CMC2: variants seen among roughly 807,000 people sequenced by gnomAD.
CMC2 encodes the protein C-X9-C motif containing 2.
In CMC2, 5 loss-of-function variants were observed where a neutral mutation model predicts 7.5. That is an observed-to-expected ratio of 0.66 (90% CI 0.35 to 1.40). The LOEUF is 1.40. Among genes scored for constraint, CMC2 ranks in the 40% most tolerant of loss-of-function variants. CMC2 has a pLI of 0.04. For synonymous variants in CMC2, 37 were observed against 31.4 expected (o/e 1.18, Z -0.60); for missense variants, 115 against 92.3 (o/e 1.25, Z -1.01).
chr16:80,988,462 GAA>G (rs957581867), intron 2 of CMC2: 2 of 659,172 alleles, frequency 3.0e-6, no homozygotes, highest in Admixed American at 2.5e-5. Context: ...CAAACTTGAA[GAA>G]AAGTTCCAAG....
chr16:80,971,599 C>CATATATATAT lies in CMC2; in HGVS notation c.*4484_*4493dup, dbSNP rs947816734. The CATATATATAT allele has an allele frequency of 6.2e-5, 7 of 113,256 alleles. No homozygotes were observed. The highest frequency in any genetic ancestry group is 1.8e-4 in the African/African-American group (4 of 21,880). The allele number at this position is 113,256 out of a possible 1,614,324, so 7.0% of individuals were successfully genotyped here. On this transcript the variant is annotated 3_prime_UTR_variant, in exon 4 of 4. Coordinates refer to ENST00000219400, the MANE Select transcript of CMC2 (RefSeq NM_020188.5). ...ATATATATATATGTATGAAATCATG[C>CATATATATAT]ATATATATATATGTATGAAATCATG...
At chr16:80,997,291 C>G (rs775677197) in intron 2 of CMC2, 23 bp downstream of exon 2, 70 of 1,226,388 alleles carry the variant, frequency 5.7e-5, no homozygotes, top group Non-Finnish European at 7.9e-5. Context: ...TTTGGCTGTA[C>G]AGTCGTTTTT....
At position 80,981,921 on chromosome 16, in the gene CMC2, C is replaced by T. The variant is rs1179811350; in HGVS notation, c.82-44G>A. On this transcript the variant is annotated intron_variant, in intron 2 of 3. Coordinates refer to ENST00000219400, the MANE Select transcript of CMC2 (RefSeq NM_020188.5). ...GTAAAATATTTCATCCCATAATATG[C>T]CAAGGTTTGGGGCACATAAAATTTA... is the stretch of plus-strand genomic sequence containing the variant. 6 of 1,302,574 alleles carry T rather than the reference C, an allele frequency of 4.6e-6. No homozygotes were observed. The Admixed American group carries it at 5.3e-5, about 12-fold the overall frequency. The allele number at this position is 1,302,574 out of a possible 1,614,324, so 80.7% of individuals were successfully genotyped here.
intron 1 of CMC2, among the ~76,000 whole-genome samples, chr16:81,000,877 A>G (rs1968815059): frequency 6.6e-6 from 1 of 152,264 alleles, no homozygotes. Flanking sequence ...CCGTTTTACA[A>G]AAAGAAAAAC....
chr16:80,997,327 T>TC lies in CMC2; in HGVS notation c.67dup (p.Glu23GlyfsTer16). 6.3e-7 allele frequency: 1 copy of TC among 1,590,570 alleles called. No individual in the cohort carries two copies. Among genetic ancestry groups the TC allele is most frequent in the Non-Finnish European group, 8.6e-7 (1 of 1,158,736 alleles). On this transcript the variant is annotated frameshift_variant, in exon 2 of 4. Transcript: ENST00000219400. LOFTEE classifies it high-confidence loss of function. ...CTGAACTCTTACATTTTTGTGACAT[T>TC]CCTTAAGCAAGTTAATCAAGACGTT... is the stretch of plus-strand genomic sequence containing the variant.
rs1055806899 is a variant in CMC2, at chr16:80,968,739, G to A, written c.*7354C>T. 6.6e-6 allele frequency: 1 copy of A among 152,154 alleles called. No homozygotes were observed. The highest frequency in any genetic ancestry group is 2.4e-5 in the African/African-American group (1 of 41,426). 9.4% of individuals were successfully genotyped at this position (152,154 alleles called of 1,614,324 possible). On this transcript the variant is annotated 3_prime_UTR_variant, in exon 4 of 4. Coordinates refer to ENST00000219400, the MANE Select transcript of CMC2 (RefSeq NM_020188.5). ...ATATAGTTTTTAAAGGTGTAGTTGA[G>A]CTCACAAGAAAGGAAAGAAAATCCT...
In CMC2 at chr16:80,969,038, G is replaced by T. The variant is rs1321194722; in HGVS notation, c.*7055C>A. On this transcript the variant is annotated 3_prime_UTR_variant, in exon 4 of 4. Coordinates refer to ENST00000219400, the MANE Select transcript of CMC2 (RefSeq NM_020188.5). ...GTAAGGCCAGTGTGACTCACCTTGGGCTCTGAGCAGAAAAAATATGTTTCC... is the reference window on the plus strand; with the variant it reads ...GTAAGGCCAGTGTGACTCACCTTGGTCTCTGAGCAGAAAAAATATGTTTCC... 1 of 152,198 alleles carries T rather than the reference G, an allele frequency of 6.6e-6. No individual in the cohort carries two copies. The highest frequency in any genetic ancestry group is 1.5e-5 in the Non-Finnish European group (1 of 68,036). 9.4% of individuals were successfully genotyped at this position (152,198 alleles called of 1,614,324 possible).
intron 2 of CMC2, among the ~76,000 whole-genome samples, chr16:80,986,659 TC>T (rs1478250865): frequency 6.6e-6 from 1 of 152,174 alleles, no homozygotes; most frequent in Non-Finnish European, 1.5e-5. Flanking sequence ...CAAGAGAGAT[TC>T]GGCAGAGAAC....
intron 2 of CMC2, among the ~76,000 whole-genome samples, chr16:80,996,080 TAAACATA>T (rs1271095808): frequency 6.6e-6 from 1 of 151,768 alleles, no homozygotes; most frequent in East Asian, 1.9e-4. Context: ...TATACAAATA[TAAACATA>T]AAACAAAGAT....
intron 3 of CMC2, among the ~76,000 whole-genome samples, chr16:80,977,678 T>A (rs564547875): frequency 6.6e-6 from 1 of 152,334 alleles, no homozygotes; most frequent in South Asian, 2.1e-4. Flanking sequence ...GTGGGCTAGA[T>A]AATCTTTAAG....
chr16:80,984,853 C>G (rs1343554619), intron 2 of CMC2, among the ~76,000 whole-genome samples: 2 of 152,182 alleles, frequency 1.3e-5, no homozygotes. Flanking sequence ...GAGAATTATA[C>G]TCTTGTGATG....
chr16:80,967,012 G>A lies in CMC2; in HGVS notation c.*9081C>T, dbSNP rs997288185. The A allele has an allele frequency of 5.9e-5, 9 of 152,076 alleles. No individual in the cohort carries two copies. Among genetic ancestry groups the A allele is most frequent in the African/African-American group, 2.2e-4 (9 of 41,414 alleles). The allele number at this position is 152,076 out of a possible 1,614,324, so 9.4% of individuals were successfully genotyped here. A position where few individuals can be genotyped will look rare whatever the true frequency, so the allele number is the denominator to read the frequency against. On this transcript the variant is annotated 3_prime_UTR_variant, in exon 4 of 4. Transcript: ENST00000219400. ...GAAAATGTAAATTTTAAAGTCCTTT[G>A]GGCTACTTCAACACTTTATTTATTC...
intron 3 of CMC2, chr16:80,980,771 T>C (rs1355250024): frequency 2.9e-6 from 2 of 692,632 alleles, no homozygotes; most frequent in Non-Finnish European, 5.2e-6. Flanking sequence ...GGTACGCACC[T>C]GTCGTCCTAG....
chr16:80,999,504 T>G (rs11866375), intron 1 of CMC2, among the ~76,000 whole-genome samples: 54,114 of 152,052 alleles, frequency 0.36, 10,746 homozygotes, highest in African/African-American at 0.54. Flanking sequence ...GCAATCTACA[T>G]ATTCAACACT....
intron 2 of CMC2, among the ~76,000 whole-genome samples, chr16:80,993,409 C>G (rs1164013448): frequency 2.6e-5 from 4 of 152,158 alleles, no homozygotes; most frequent in Non-Finnish European, 4.4e-5. Context: ...TTCGGGCAGG[C>G]TGGGGCAGCC....
chr16:80,988,581 A>G (rs1967725200), intron 2 of CMC2: 1 of 688,634 alleles, frequency 1.5e-6, no homozygotes, highest in South Asian at 1.5e-5. Context: ...TAAGTTGCAG[A>G]TATGATGCAC....
intron 1 of CMC2, among the ~76,000 whole-genome samples, chr16:81,005,724 G>C (rs779748807): frequency 6.6e-6 from 1 of 152,180 alleles, no homozygotes; most frequent in East Asian, 1.9e-4. Context: ...TTCCACCGAA[G>C]AGTTTCTCAG....
intron 2 of CMC2, chr16:80,991,976 ATTAGGT>A: frequency 2.2e-6 from 1 of 455,556 alleles, no homozygotes; most frequent in South Asian, 1.6e-5. Context: ...GAGAAAAGAC[ATTAGGT>A]AAACACTAAC....
intron 3 of CMC2, among the ~76,000 whole-genome samples, chr16:80,981,517 G>T (rs1014876189): frequency 6.6e-6 from 1 of 152,044 alleles, no homozygotes; most frequent in African/African-American, 2.4e-5. Context: ...TCTTTCTGCC[G>T]GCCAGAGATA....
Sources: gnomAD v4.1 joint callset for allele counts (sites outside exome capture counted in the v4.1 genomes callset) on GRCh38, gnomAD v4.1.1 for gene constraint, MANE v1.5 for transcripts, NCBI Gene and HGNC (gene_info 2026-07-23, HGNC 2026-07-21) for gene names.